The following ARPC2 variants were observed in gnomAD, a reference collection of about 807,000 sequenced individuals.
The protein encoded by ARPC2 is actin-related protein 2/3 complex subunit 2.
In ARPC2, 4 loss-of-function variants were observed where a neutral mutation model predicts 38.6. That is an observed-to-expected ratio of 0.10 (90% CI 0.05 to 0.24). The LOEUF is 0.24. Among genes scored for constraint, ARPC2 ranks in the 10% least tolerant of loss-of-function variants. ARPC2 has a pLI of 1.00. For synonymous variants in ARPC2, 125 were observed against 140.8 expected (o/e 0.89, Z 0.79); for missense variants, 229 against 387.3 (o/e 0.59, Z 3.43).
At chr2:218,238,639 T>G in intron 5 of ARPC2, 25 bp from the exon 6 acceptor site, 1 of 1,489,246 alleles carries the variant, frequency 6.7e-7, no homozygotes, top group Non-Finnish European at 9.0e-7. Context: ...TTGTTTTTTG[T>G]TTCTTGTTTT....
At chr2:218,244,653 A>G (rs1408215634) in intron 7 of ARPC2, among the ~76,000 whole-genome samples, 1 of 152,232 alleles carries the variant, frequency 6.6e-6, no homozygotes. Flanking sequence ...TTTGTTGGAG[A>G]TGGTATTAGG....
Position 218,238,797 on chromosome 2 carries a change from G to A in ARPC2, c.402G>A (p.Glu134=), listed in dbSNP as rs762858923. ...AAAAATACTTCCAATTCCAAGAAGA[G>A]GGCAAGGAAGGAGAGAACAGGGCAG... is the stretch of plus-strand genomic sequence containing the variant. The part of the protein sequence containing the change: ...VFEKYFQFQE[E]GKEGENRAVI... Residue 134 remains glutamate (E), a synonymous_variant, in exon 6 of 11, where the codon GAG becomes GAA. Coordinates refer to ENST00000315717, the MANE Select transcript of ARPC2 (RefSeq NM_152862.3). The A allele has an allele frequency of 2.2e-5, 35 of 1,613,968 alleles. No individual in the cohort carries two copies. The East Asian group carries it at 7.8e-4, about 36-fold the overall frequency.
intron 5 of ARPC2, among the ~76,000 whole-genome samples, chr2:218,237,936 G>T (rs1478183557): frequency 6.6e-6 from 1 of 152,116 alleles, no homozygotes; most frequent in Admixed American, 6.6e-5. Context: ...AAAATAGAGT[G>T]CCCTACACTT....
chr2:218,221,215 G>A (rs888326371), intron 2 of ARPC2, among the ~76,000 whole-genome samples: 3 of 152,132 alleles, frequency 2.0e-5, no homozygotes, highest in African/African-American at 2.4e-5. Context: ...TGTATATTGC[G>A]GGGAGCTGTG....
chr2:218,252,772 G>A (rs1028301235), intron 10 of ARPC2, among the ~76,000 whole-genome samples: 1 of 152,232 alleles, frequency 6.6e-6, no homozygotes, highest in African/African-American at 2.4e-5. Flanking sequence ...TCCACAGCCA[G>A]CAGGCAGTCG....
chr2:218,227,553 A>G (rs1394247895), intron 3 of ARPC2, among the ~76,000 whole-genome samples: 1 of 150,882 alleles, frequency 6.6e-6, no homozygotes, highest in East Asian at 1.9e-4. Context: ...CCGCCTCTCA[A>G]GTAGCTGGGA....
chr2:218,253,533 GA>G (rs1690244594), intron 10 of ARPC2, among the ~76,000 whole-genome samples: 1 of 152,242 alleles, frequency 6.6e-6, no homozygotes, highest in Admixed American at 6.5e-5. Flanking sequence ...GCTGACAAAT[GA>G]GGTAGTACTA....
intron 8 of ARPC2, among the ~76,000 whole-genome samples, chr2:218,245,947 G>A (rs1485390263): frequency 6.6e-6 from 1 of 152,054 alleles, no homozygotes; most frequent in Admixed American, 6.6e-5. Flanking sequence ...TGGGCACGGT[G>A]GTTCATGGCT....
intron 7 of ARPC2, among the ~76,000 whole-genome samples, chr2:218,244,730 C>T (rs570684842): frequency 1.3e-5 from 2 of 152,364 alleles, no homozygotes; most frequent in South Asian, 4.1e-4. Flanking sequence ...GCCTTCAGAA[C>T]TCCTAAAACA....
chr2:218,253,325 G>T (rs1244282275), intron 10 of ARPC2, among the ~76,000 whole-genome samples: 1 of 152,168 alleles, frequency 6.6e-6, no homozygotes, highest in African/African-American at 2.4e-5. Context: ...ATACTGGGTG[G>T]AACAGGACAC....
intron 2 of ARPC2, among the ~76,000 whole-genome samples, chr2:218,223,602 A>C (rs982762182): frequency 1.2e-4 from 18 of 152,180 alleles, no homozygotes; most frequent in Admixed American, 5.9e-4. Flanking sequence ...GACATATATC[A>C]TCTCAGTCTT....
intron 10 of ARPC2, among the ~76,000 whole-genome samples, chr2:218,252,390 G>A (rs373294787): frequency 6.6e-6 from 1 of 152,194 alleles, no homozygotes. Flanking sequence ...CCAACAAGGT[G>A]GGTGGGCAGG....
chr2:218,223,636 T>G (rs1310763039), intron 2 of ARPC2, among the ~76,000 whole-genome samples: 1 of 152,180 alleles, frequency 6.6e-6, no homozygotes, highest in Non-Finnish European at 1.5e-5. Flanking sequence ...GAGGTAGATG[T>G]TTTGTCCCCA....
At position 218,228,848 on chromosome 2, in the gene ARPC2, G is replaced by A; in HGVS notation, c.220G>A (p.Glu74Lys). Reference protein sequence around the residue: ...YKELQAHGADELLKRVYGSFL... With the variant: ...YKELQAHGADKLLKRVYGSFL... ...GGAACTTCAGGCACATGGTGCTGAT[G>A]AGGTAAGATCCACATCATTTTCCTT... The change falls in exon 4 of 11, where the codon GAG becomes AAG. Residue 74 changes from glutamate (E) to lysine (K), a missense_variant and splice_region_variant. By Grantham distance (56) the Glu-to-Lys change is moderately conservative. Transcript: ENST00000315717. 1 of 1,562,916 alleles carries A rather than the reference G, an allele frequency of 6.4e-7. No individual in the cohort carries two copies. Among genetic ancestry groups the A allele is most frequent in the East Asian group, 2.2e-5 (1 of 44,616 alleles).
chr2:218,222,981 C>T (rs1402695131), intron 2 of ARPC2, among the ~76,000 whole-genome samples: 2 of 152,204 alleles, frequency 1.3e-5, no homozygotes, highest in African/African-American at 4.8e-5. Context: ...GGTCTAGCCT[C>T]TCAGAGATCC....
chr2:218,247,871 A>C (rs1168889591), intron 8 of ARPC2, among the ~76,000 whole-genome samples: 1 of 150,994 alleles, frequency 6.6e-6, no homozygotes, highest in African/African-American at 2.4e-5. Flanking sequence ...TGAACCTGGG[A>C]GGCGGAGCTT....
chr2:218,237,605 G>A (rs1451569046), intron 5 of ARPC2, among the ~76,000 whole-genome samples: 1 of 147,790 alleles, frequency 6.8e-6, no homozygotes, highest in African/African-American at 2.5e-5. Flanking sequence ...TGGAGCTGGA[G>A]TCTCGCTCTG....
At chr2:218,232,546 A>ATT (rs71064418) in intron 4 of ARPC2, among the ~76,000 whole-genome samples, 253 of 83,100 alleles carry the variant, frequency 3.0e-3, no homozygotes, top group African/African-American at 2.9e-3. Context: ...GCCAGACTCA[A>ATT]TTTTTTTTTT....
intron 5 of ARPC2, among the ~76,000 whole-genome samples, chr2:218,238,124 A>G (rs994452607): frequency 1.3e-5 from 2 of 152,234 alleles, no homozygotes; most frequent in Non-Finnish European, 2.9e-5. Flanking sequence ...AGGTATATGT[A>G]TGAACAGGTA....
Sources: gnomAD v4.1 joint callset for allele counts (sites outside exome capture counted in the v4.1 genomes callset) on GRCh38, gnomAD v4.1.1 for gene constraint, MANE v1.5 for transcripts, NCBI Gene and HGNC (gene_info 2026-07-23, HGNC 2026-07-21) for gene names.